The following KIAA0586 variants were observed in gnomAD, a reference collection of about 807,000 sequenced individuals.
The protein encoded by KIAA0586 is KIAA0586, also known as protein TALPID3.
A neutral mutation model predicts 169.8 loss-of-function variants in KIAA0586; 144 were observed. That is an observed-to-expected ratio of 0.85 (90% CI 0.74 to 0.97). The LOEUF (loss-of-function observed/expected upper bound fraction) is 0.97, where lower values mean the gene tolerates loss of function less well. Among genes scored for constraint, KIAA0586 ranks in the 50% least tolerant of loss-of-function variants. The pLI, the probability that KIAA0586 is intolerant of heterozygous loss-of-function variation, is 0.00. For missense variants in KIAA0586, 1,854 were observed against 1,823.0 expected (o/e 1.02, Z -0.31); for synonymous variants, 625 against 612.4 (o/e 1.02, Z -0.30).
At chr14:58,485,067 G>A (rs2042349976) in intron 21 of KIAA0586, among the ~76,000 whole-genome samples, 1 of 144,304 alleles carries the variant, frequency 6.9e-6, no homozygotes. Context: ...GGGATTACAG[G>A]CGCCCGCCAC....
intron 29 of KIAA0586, chr14:58,521,452 T>C: frequency 2.6e-6 from 2 of 767,266 alleles, no homozygotes; most frequent in Non-Finnish European, 4.7e-6. Flanking sequence ...CTCTTTTGAC[T>C]TGGACCATGA....
At chr14:58,497,870 A>ATT (rs557927775) in intron 26 of KIAA0586, among the ~76,000 whole-genome samples, 12 of 95,250 alleles carry the variant, frequency 1.3e-4, no homozygotes, top group African/African-American at 4.8e-4. Flanking sequence ...AGTGGTTTTG[A>ATT]TTTTTTTTTT....
intron 27 of KIAA0586, among the ~76,000 whole-genome samples, chr14:58,506,247 CT>C (rs1192185660): frequency 6.6e-6 from 1 of 151,824 alleles, no homozygotes; most frequent in Admixed American, 6.6e-5. Flanking sequence ...CAAATAAAGC[CT>C]GAAACATTAG....
At chr14:58,492,567 T>TA (rs542569464) in intron 26 of KIAA0586, among the ~76,000 whole-genome samples, 368 of 152,302 alleles carry the variant, frequency 2.4e-3, no homozygotes, top group African/African-American at 8.5e-3. Flanking sequence ...TTGGAAAAGA[T>TA]ACAAAGATAA....
intron 29 of KIAA0586, among the ~76,000 whole-genome samples, chr14:58,531,143 C>A (rs2045936011): frequency 6.6e-6 from 1 of 150,700 alleles, no homozygotes; most frequent in African/African-American, 2.4e-5. Flanking sequence ...CAGTGAAACC[C>A]CGTCTCTACT....
At chr14:58,497,099 C>T (rs936173149) in intron 26 of KIAA0586, among the ~76,000 whole-genome samples, 2 of 151,528 alleles carry the variant, frequency 1.3e-5, no homozygotes, top group Non-Finnish European at 2.9e-5. Flanking sequence ...TTCAGCCTCT[C>T]GAGTAGCTGG....
the KIAA0586 span, among the ~76,000 whole-genome samples, chr14:58,560,823 AT>A: frequency 6.6e-6 from 1 of 152,154 alleles, no homozygotes; most frequent in Non-Finnish European, 1.5e-5. Context: ...TTGGGAGCTA[AT>A]TTTTTGAGGC....
At chr14:58,499,551 CTATTT>C (rs749688996) in intron 27 of KIAA0586, among the ~76,000 whole-genome samples, 3 of 150,308 alleles carry the variant, frequency 2.0e-5, no homozygotes, top group Non-Finnish European at 3.0e-5. Context: ...CGCGCCTAGC[CTATTT>C]TATTTTATTT....
intron 26 of KIAA0586, among the ~76,000 whole-genome samples, chr14:58,495,166 G>T (rs1282432977): frequency 3.3e-5 from 5 of 152,080 alleles, no homozygotes; most frequent in Non-Finnish European, 7.4e-5. Context: ...GTGCTGTCCT[G>T]GCTAGACCAG....
In KIAA0586 at chr14:58,482,593, GTTAAC is replaced by G; in HGVS notation, c.3026_3030del (p.Val1009GlyfsTer5). On this transcript the variant is annotated frameshift_variant, in exon 21 of 31. Coordinates refer to ENST00000652326, the MANE Select transcript of KIAA0586 (RefSeq NM_001329943.3). LOFTEE classifies it high-confidence loss of function. ...GAACTCAAATGTGATTAAACATTTT[GTTAAC>G]GAAGCTCTTGCTGAGACCATTGCTG... 6.2e-7 allele frequency: 1 copy of G among 1,605,290 alleles called. No individual in the cohort carries two copies. Among genetic ancestry groups the G allele is most frequent in the Non-Finnish European group, 8.5e-7 (1 of 1,175,290 alleles).
intron 4 of KIAA0586, among the ~76,000 whole-genome samples, chr14:58,436,538 G>A (rs1229970482): frequency 6.6e-6 from 1 of 152,014 alleles, no homozygotes; most frequent in African/African-American, 2.4e-5. Flanking sequence ...GTTTGGCTGT[G>A]GTCAGTCTTA....
rs1302610013 is a variant in KIAA0586 at position 58,467,891 on chromosome 14, A to G, written c.2411A>G (p.Glu804Gly). 3 of 1,611,092 alleles carry G rather than the reference A, an allele frequency of 1.9e-6. No homozygotes were observed. In the Admixed American group the frequency reaches 5.0e-5, roughly 27 times the overall value. ...ATAGCCATTGTAGAAATGAAGTCAG[A>G]AAAAAAGGATCCTCCTCAGCTTACT... The part of the protein sequence containing the change: ...PNIAIVEMKS[E>G]KKDPPQLTVQ... Residue 804 changes from glutamate (E) to glycine (G), a missense_variant, in exon 16 of 31, where the codon GAA becomes GGA. Transcript: ENST00000652326.
In KIAA0586 at chr14:58,467,908, C is replaced by T; in HGVS notation, c.2428C>T (p.Gln810Ter). The T allele has an allele frequency of 1.9e-6, 3 of 1,612,258 alleles. No homozygotes were observed. The highest frequency in any genetic ancestry group is 2.5e-6 in the Non-Finnish European group (3 of 1,179,196). ...EMKSEKKDPP[Q>*]LTVQVLPSVD... ...GAAGTCAGAAAAAAAGGATCCTCCTCAGCTTACTGTGCAGGTATGCCAGGG... is the reference window on the plus strand; with the variant it reads ...GAAGTCAGAAAAAAAGGATCCTCCTTAGCTTACTGTGCAGGTATGCCAGGG... Residue 810 changes from glutamine to a stop codon, truncating the protein, a stop_gained, in exon 16 of 31, where the codon CAG becomes TAG. Transcript: ENST00000652326. LOFTEE classifies it high-confidence loss of function.
chr14:58,517,231 A>T (rs931584342), intron 29 of KIAA0586, among the ~76,000 whole-genome samples: 3 of 152,292 alleles, frequency 2.0e-5, no homozygotes, highest in Middle Eastern at 3.4e-3. Flanking sequence ...TTGCTTTCTG[A>T]TGAAGCAGTT....
Position 58,428,199 on chromosome 14 carries a change from A to T in KIAA0586, c.-66A>T. The T allele has an allele frequency of 6.5e-7, 1 of 1,540,396 alleles. No homozygotes were observed. Among genetic ancestry groups the T allele is most frequent in the Non-Finnish European group, 8.7e-7 (1 of 1,146,250 alleles). On this transcript the variant is annotated 5_prime_UTR_variant, in exon 1 of 31. Coordinates refer to ENST00000652326, the MANE Select transcript of KIAA0586 (RefSeq NM_001329943.3). The stretch of plus-strand genomic sequence containing the variant: ...GCAAAGAGGTGAAAATTTTGTTCTG[A>T]AGTCTTAAGGAAACAGAGAAAGTTT...
chr14:58,536,298 C>A (rs181508935), intron 29 of KIAA0586, among the ~76,000 whole-genome samples: 8 of 152,180 alleles, frequency 5.3e-5, no homozygotes, highest in Admixed American at 2.0e-4. Context: ...ACCCTGCCCC[C>A]CCTTCGCTGG....
chr14:58,472,201 T>C lies in KIAA0586; in HGVS notation c.2556T>C (p.Thr852=). 1 of 1,554,874 alleles carries C rather than the reference T, an allele frequency of 6.4e-7. No individual in the cohort carries two copies. Among genetic ancestry groups the C allele is most frequent in the Non-Finnish European group, 8.7e-7 (1 of 1,151,412 alleles). ...ACTTTCTGAAAATGCTTTCTTAGAC[T>C]CCAGAAATTATGAAGGTAGATGAAG... is the stretch of plus-strand genomic sequence containing the variant. The part of the protein sequence containing the change: ...SLPPVQTWIK[T]PEIMKVDEEE... Residue 852 remains threonine (T), a splice_region_variant and synonymous_variant, in exon 18 of 31, where the codon ACT becomes ACC. Coordinates refer to ENST00000652326, the MANE Select transcript of KIAA0586 (RefSeq NM_001329943.3).
chr14:58,487,234 T>A, intron 22 of KIAA0586, 68 bp downstream of exon 22: 1 of 1,286,488 alleles, frequency 7.8e-7, no homozygotes, highest in Non-Finnish European at 1.1e-6. Flanking sequence ...TTTGTATATG[T>A]ACTTGTTGCT....
Position 58,448,341 on chromosome 14 carries a change from C to A in KIAA0586, c.809C>A (p.Thr270Asn), listed in dbSNP as rs1175987760. 3.9e-6 allele frequency: 6 copies of A among 1,536,616 alleles called. No homozygotes were observed. The highest frequency in any genetic ancestry group is 5.3e-6 in the Non-Finnish European group (6 of 1,127,290). Residue 270 changes from threonine (T) to asparagine (N), a missense_variant and splice_region_variant, in exon 7 of 31, where the codon ACT (threonine) becomes AAT (asparagine). Physicochemically the swap from Thr to Asn is moderately conservative, Grantham distance 65. Coordinates refer to ENST00000652326, the MANE Select transcript of KIAA0586 (RefSeq NM_001329943.3). ...ATAAAATAATCTTATTTCTTCTAGA[C>A]TCATTTTATTAGTGCTGCACTCAAG... ...KLQQQQIDIQ[T>N]HFISAALKTS...
Sources: allele counts gnomAD v4.1 joint callset (sites outside exome capture counted in the v4.1 genomes callset), GRCh38; gene constraint gnomAD v4.1.1; transcripts MANE v1.5; gene names NCBI Gene and HGNC (gene_info 2026-07-23, HGNC 2026-07-21).